Variants in PKHD1 observed in about 807,000 individuals in gnomAD.
PKHD1 encodes PKHD1 ciliary IPT domain containing fibrocystin/polyductin, also known as fibrocystin.
PKHD1 carries 291 observed loss-of-function variants against 412.0 expected under a neutral mutation model. The ratio of observed to expected loss-of-function variants is 0.71; its 90% CI spans 0.64 to 0.78. The LOEUF is 0.78. Among genes scored for constraint, PKHD1 ranks in the 30% least tolerant of loss-of-function variants. PKHD1 has a pLI of 0.00. For missense variants in PKHD1, 4,825 were observed against 4,950.7 expected, an observed-to-expected ratio of 0.97 and a Z score of 0.76; for synonymous variants, 1,777 against 1,821.5, an observed-to-expected ratio of 0.98 and a Z score of 0.62.
intron 28 of PKHD1, 115 bp from the exon 29 acceptor site, chr6:52,033,280 C>T: frequency 1.2e-6 from 1 of 844,450 alleles, no homozygotes; most frequent in South Asian, 1.4e-5. Flanking sequence ...GAAAGTTGTT[C>T]CTAAAGGGTA....
chr6:51,650,802 A>C (rs889830060), intron 61 of PKHD1, among the ~76,000 whole-genome samples: 33 of 152,196 alleles, frequency 2.2e-4, no homozygotes, highest in Non-Finnish European at 4.3e-4. Context: ...TGGGAATTCA[A>C]CTCACACTAG....
intron 15 of PKHD1, 40 bp from the exon 16 acceptor site, chr6:52,058,641 C>A: frequency 6.3e-7 from 1 of 1,593,130 alleles, no homozygotes; most frequent in Non-Finnish European, 8.6e-7. Flanking sequence ...TACTATGCAG[C>A]TTCCAGGCAT....
At chr6:51,981,775 A>C (rs1583692476) in intron 35 of PKHD1, among the ~76,000 whole-genome samples, 2 of 134,864 alleles carry the variant, frequency 1.5e-5, no homozygotes, top group Non-Finnish European at 1.7e-5. Context: ...CTGCTTGGCC[A>C]CCCATCGTCT....
At chr6:51,673,880 T>C (rs1016342989) in intron 60 of PKHD1, among the ~76,000 whole-genome samples, 2 of 152,154 alleles carry the variant, frequency 1.3e-5, no homozygotes, top group African/African-American at 2.4e-5. Context: ...TCTTTGAATA[T>C]AAAGAAGAGT....
intron 61 of PKHD1, among the ~76,000 whole-genome samples, chr6:51,657,468 T>A (rs2150404255): frequency 6.6e-6 from 1 of 152,274 alleles, no homozygotes; most frequent in Non-Finnish European, 1.5e-5. Context: ...CTTTGCCTTA[T>A]GTCTAGAAAA....
At chr6:51,764,046 C>T (rs1231832416) in intron 55 of PKHD1, among the ~76,000 whole-genome samples, 1 of 149,798 alleles carries the variant, frequency 6.7e-6, no homozygotes, top group African/African-American at 2.4e-5. Flanking sequence ...GTGCGCTGCA[C>T]CCACTAACTC....
rs1785478544 is a variant in PKHD1, at chr6:51,748,146, G to A, written c.9470C>T (p.Ala3157Val). The A allele has an allele frequency of 1.2e-6, 2 of 1,613,906 alleles. No individual in the cohort carries two copies. The highest frequency in any genetic ancestry group is 3.3e-5 in the Admixed American group (2 of 59,982). The change falls in exon 58 of 67, where the codon GCC (alanine) becomes GTC (valine). Residue 3157 changes from alanine (A) to valine (V), a missense_variant. Ala to Val is a moderately conservative substitution (Grantham distance 64). Transcript: ENST00000371117. ...FLAFKNFDYG[A>V]MLHVENSVEI... is the part of the protein sequence containing the mutation. The stretch of plus-strand genomic sequence containing the variant: ...CACGCTGTTCTCTACATGTAACATG[G>A]CACCATAGTCAAAGTTCTTGAAAGC...
chr6:51,776,031 T>TA, intron 53 of PKHD1, 110 bp from the exon 54 acceptor site: 3 of 653,650 alleles, frequency 4.6e-6, no homozygotes, highest in Non-Finnish European at 8.3e-6. Flanking sequence ...TGAAGTAGAC[T>TA]ATATGGAGGA....
chr6:52,043,795 T>C (rs1442171113), intron 25 of PKHD1, 65 bp from the exon 26 acceptor site: 20 of 1,146,652 alleles, frequency 1.7e-5, no homozygotes, highest in Non-Finnish European at 2.6e-5. Flanking sequence ...ATTCATAAAG[T>C]ATATGTGAAG....
At chr6:51,936,680 G>T (rs573254636) in intron 36 of PKHD1, among the ~76,000 whole-genome samples, 24 of 152,276 alleles carry the variant, frequency 1.6e-4, no homozygotes, top group African/African-American at 5.8e-4. Context: ...ACTAGTTCAG[G>T]CCATGACGGG....
intron 60 of PKHD1, among the ~76,000 whole-genome samples, chr6:51,672,732 C>G (rs1477395483): frequency 1.8e-4 from 28 of 152,104 alleles, no homozygotes; most frequent in Admixed American, 1.8e-3. Flanking sequence ...CTCATTTCAG[C>G]TGCATAAGAA....
chr6:51,687,391 A>G (rs555750538), intron 60 of PKHD1, among the ~76,000 whole-genome samples: 6 of 152,316 alleles, frequency 3.9e-5, no homozygotes, highest in South Asian at 4.1e-4. Flanking sequence ...TATCAGCTAT[A>G]TTGTATGCAT....
At chr6:51,702,572 A>C (rs1392916391) in intron 60 of PKHD1, among the ~76,000 whole-genome samples, 7 of 151,946 alleles carry the variant, frequency 4.6e-5, no homozygotes, top group Admixed American at 3.3e-4. Flanking sequence ...TCCTCCAAAT[A>C]ATGAAATTAC....
intron 50 of PKHD1, among the ~76,000 whole-genome samples, chr6:51,843,507 G>A (rs1367882883): frequency 6.6e-6 from 1 of 152,210 alleles, no homozygotes; most frequent in Admixed American, 6.5e-5. Context: ...CAGGGAAAGA[G>A]GCAGTGGGAA....
chr6:51,713,476 G>C (rs756430858), intron 60 of PKHD1, among the ~76,000 whole-genome samples: 1 of 152,186 alleles, frequency 6.6e-6, no homozygotes, highest in Non-Finnish European at 1.5e-5. Flanking sequence ...GTTGAGCATA[G>C]GGCCTGGAGT....
intron 9 of PKHD1, 50 bp from the exon 10 acceptor site, chr6:52,070,495 T>C (rs766162619): frequency 4.3e-6 from 6 of 1,411,286 alleles, no homozygotes; most frequent in South Asian, 2.3e-5. Context: ...ACGAGTCTTC[T>C]GGGCCAGGCC....
Position 51,946,682 on chromosome 6 carries a change from TCC to T in PKHD1, c.5909-12362_5909-12361del, listed in dbSNP as rs943214960. ...ATGACTTTCATGAAAGCTGACTATG[TCC>T]CACAAGTAACCTTGGGTAATTTTAT... is the stretch of plus-strand genomic sequence containing the variant. On this transcript the variant is annotated intron_variant, in intron 36 of 66. Coordinates refer to ENST00000371117, the MANE Select transcript of PKHD1 (RefSeq NM_138694.4). 2.6e-4 allele frequency among the ~76,000 whole-genome samples: 39 copies of T among 152,364 alleles called. 1 individual carries two copies. The Middle Eastern group carries it at 0.01, about 40-fold the overall frequency.
intron 60 of PKHD1, among the ~76,000 whole-genome samples, chr6:51,711,947 G>A (rs968002932): frequency 2.0e-5 from 3 of 152,168 alleles, no homozygotes; most frequent in Admixed American, 2.0e-4. Context: ...AGTAATGCCT[G>A]GAACTAGCCA....
intron 15 of PKHD1, 104 bp downstream of exon 15, chr6:52,059,824 G>A: frequency 8.3e-6 from 6 of 726,828 alleles, no homozygotes; most frequent in Non-Finnish European, 1.5e-5. Context: ...CCAATGGCAT[G>A]TTAAACTATC....
Sources: gnomAD v4.1 joint callset for allele counts (sites outside exome capture counted in the v4.1 genomes callset) on GRCh38, gnomAD v4.1.1 for gene constraint, MANE v1.5 for transcripts, NCBI Gene and HGNC (gene_info 2026-07-23, HGNC 2026-07-21) for gene names.